SLC25A21: variants seen among roughly 807,000 people sequenced by gnomAD.
SLC25A21 encodes the protein mitochondrial 2-oxodicarboxylate carrier.
A neutral mutation model predicts 43.8 loss-of-function variants in SLC25A21; 47 were observed. The ratio of observed to expected loss-of-function variants is 1.07; its 90% CI spans 0.85 to 1.37. The LOEUF is 1.37. SLC25A21 is among the 40% of genes most tolerant of loss of function. SLC25A21 has a pLI of 0.00. For missense variants in SLC25A21, 352 were observed against 350.2 expected, an observed-to-expected ratio of 1.00 and a Z score of -0.04; for synonymous variants, 131 against 121.3, an observed-to-expected ratio of 1.08 and a Z score of -0.52.
intron 1 of SLC25A21, among the ~76,000 whole-genome samples, chr14:37,057,513 G>A (rs1174104952): frequency 2.0e-5 from 3 of 152,100 alleles, no homozygotes; most frequent in South Asian, 2.1e-4. Flanking sequence ...TCTGAAAATC[G>A]TGTGAAATTC....
intron 1 of SLC25A21, among the ~76,000 whole-genome samples, chr14:36,946,332 T>C (rs1489830979): frequency 6.6e-6 from 1 of 152,164 alleles, no homozygotes; most frequent in African/African-American, 2.4e-5. Context: ...AATGTCTGTA[T>C]TTAGTATCCA....
At chr14:37,009,432 G>A (rs904996150) in intron 1 of SLC25A21, among the ~76,000 whole-genome samples, 19 of 152,212 alleles carry the variant, frequency 1.2e-4, no homozygotes, top group Admixed American at 1.1e-3. Flanking sequence ...GTTGCAGTGA[G>A]CCGAGATCAT....
intron 1 of SLC25A21, among the ~76,000 whole-genome samples, chr14:37,147,023 G>A (rs1440621262): frequency 2.0e-5 from 3 of 151,906 alleles, no homozygotes; most frequent in Non-Finnish European, 2.9e-5. Flanking sequence ...CTCTGCTGTC[G>A]GACTGTTCAC....
At chr14:36,958,379 T>A (rs934522868) in intron 1 of SLC25A21, among the ~76,000 whole-genome samples, 1 of 152,204 alleles carries the variant, frequency 6.6e-6, no homozygotes, top group Non-Finnish European at 1.5e-5. Flanking sequence ...AAAAGTAAAG[T>A]GAGTCTGAAC....
In SLC25A21 at chr14:36,684,943, T is replaced by G. The variant is rs148530715; in HGVS notation, c.604-18A>C. 2.0e-3 allele frequency: 3,137 copies of G among 1,601,074 alleles called. 47 individuals carry two copies. In the African/African-American group the frequency reaches 0.035, roughly 18 times the overall value. On this transcript the variant is annotated intron_variant, in intron 7 of 9. Coordinates refer to ENST00000331299, the MANE Select transcript of SLC25A21 (RefSeq NM_030631.4). The stretch of plus-strand genomic sequence containing the variant: ...ATTGGATCCTAAAAGAAAAGAAGAA[T>G]AATATAACAGAAAGGGGAGCGGAAG...
intron 7 of SLC25A21, among the ~76,000 whole-genome samples, chr14:36,709,683 C>T (rs983500263): frequency 6.6e-6 from 1 of 152,154 alleles, no homozygotes; most frequent in Non-Finnish European, 1.5e-5. Context: ...ATGTGGAACA[C>T]ATGGTGTAGA....
Sources: allele counts gnomAD v4.1 joint callset (sites outside exome capture counted in the v4.1 genomes callset), GRCh38; gene constraint gnomAD v4.1.1; transcripts MANE v1.5; gene names NCBI Gene and HGNC (gene_info 2026-07-23, HGNC 2026-07-21).